Variants in NPSR1 observed in about 807,000 individuals in gnomAD.
NPSR1 encodes the protein neuropeptide S receptor 1.
NPSR1 carries 48 observed loss-of-function variants against 46.9 expected under a neutral mutation model. The observed-to-expected ratio is 1.02, with a 90% CI of 0.81 to 1.30. The LOEUF (loss-of-function observed/expected upper bound fraction) is 1.30. Ranked by LOEUF, NPSR1 falls within the 50% of genes most tolerant of loss-of-function variation. The probability of loss-of-function intolerance (pLI) is 0.00; values close to 1 mark genes in which losing one functional copy is unlikely to be tolerated. For missense variants in NPSR1, 450 were observed against 449.5 expected, an observed-to-expected ratio of 1.00 and a Z score of -0.01; for synonymous variants, 176 against 168.1, an observed-to-expected ratio of 1.05 and a Z score of -0.36.
intron 2 of NPSR1, among the ~76,000 whole-genome samples, chr7:34,716,481 G>A (rs66502122): frequency 0.099 from 14,997 of 152,054 alleles, 972 homozygotes; most frequent in African/African-American, 0.18. Context: ...CTTTCTATTG[G>A]GAGATCTTGC....
chr7:34,782,105 G>A (rs1221175367), intron 3 of NPSR1, among the ~76,000 whole-genome samples: 1 of 152,152 alleles, frequency 6.6e-6, no homozygotes. Flanking sequence ...GAAAGACTGT[G>A]TTCTCAGCTC....
chr7:34,683,584 A>T (rs1043682160), intron 1 of NPSR1, among the ~76,000 whole-genome samples: 1 of 152,204 alleles, frequency 6.6e-6, no homozygotes. Flanking sequence ...TAATTTATAA[A>T]GAAAAGTAAT....
chr7:34,770,347 G>A (rs1786621841), intron 2 of NPSR1, among the ~76,000 whole-genome samples: 1 of 152,104 alleles, frequency 6.6e-6, no homozygotes, highest in Admixed American at 6.6e-5. Context: ...TCTCAGTAAG[G>A]ACTTTTCTTA....
chr7:34,834,223 T>C (rs1001198809), intron 5 of NPSR1, 161 bp from the exon 6 acceptor site: 1 of 620,160 alleles, frequency 1.6e-6, no homozygotes, highest in Non-Finnish European at 2.9e-6. Flanking sequence ...CATGGTCACT[T>C]TCAGTTGCAA....
intron 2 of NPSR1, among the ~76,000 whole-genome samples, chr7:34,693,539 T>C (rs957571887): frequency 7.9e-5 from 12 of 152,160 alleles, no homozygotes; most frequent in African/African-American, 2.7e-4. Flanking sequence ...ACCAGACAGA[T>C]TCACAGCTGA....
rs983848637 is a variant in NPSR1 at position 34,840,446 on chromosome 7, C to G, written c.758-4450C>G. Among the ~76,000 whole-genome samples, 4 of 151,028 alleles carry G rather than the reference C, an allele frequency of 2.6e-5. No homozygotes were observed. In the South Asian group the frequency reaches 8.3e-4, roughly 31 times the overall value. On this transcript the variant is annotated intron_variant, in intron 6 of 8. Coordinates refer to ENST00000360581, the MANE Select transcript of NPSR1 (RefSeq NM_207172.2). ...GAAACTCTTGGGAGTTCAAGAGAGT[C>G]TGCTGCAAGCTCCTGGAATAGCACA...
At chr7:34,660,580 T>C (rs938986772) in intron 1 of NPSR1, among the ~76,000 whole-genome samples, 4 of 152,070 alleles carry the variant, frequency 2.6e-5, no homozygotes, top group African/African-American at 9.6e-5. Flanking sequence ...GTAAAAAAAA[T>C]AGCATGAAAA....
chr7:34,766,395 T>C (rs1437633031), intron 2 of NPSR1, among the ~76,000 whole-genome samples: 4 of 152,202 alleles, frequency 2.6e-5, no homozygotes, highest in Non-Finnish European at 5.9e-5. Context: ...CACAAAAACC[T>C]GTACATGAAT....
intron 1 of NPSR1, among the ~76,000 whole-genome samples, chr7:34,683,718 C>T (rs1266442590): frequency 6.6e-6 from 1 of 152,036 alleles, no homozygotes; most frequent in Non-Finnish European, 1.5e-5. Context: ...TGAACTCATT[C>T]CTTTATCAGT....
chr7:34,688,229 C>T (rs149875904), intron 2 of NPSR1, among the ~76,000 whole-genome samples: 2 of 152,280 alleles, frequency 1.3e-5, no homozygotes, highest in African/African-American at 4.8e-5. Context: ...AGGAAGAAGG[C>T]ATTATCCCAT....
chr7:34,833,402 T>C (rs183097272), intron 5 of NPSR1, among the ~76,000 whole-genome samples: 3 of 152,282 alleles, frequency 2.0e-5, no homozygotes, highest in African/African-American at 7.2e-5. Flanking sequence ...CATGTAAGAA[T>C]TGGTGTGATA....
At chr7:34,792,819 G>C (rs1037252397) in intron 3 of NPSR1, among the ~76,000 whole-genome samples, 11 of 146,726 alleles carry the variant, frequency 7.5e-5, no homozygotes, top group African/African-American at 2.8e-4. Flanking sequence ...GGGGTGTCAA[G>C]GCTGCAGTGA....
At chr7:34,770,828 G>C (rs1278790884) in intron 2 of NPSR1, among the ~76,000 whole-genome samples, 1 of 152,154 alleles carries the variant, frequency 6.6e-6, no homozygotes, top group Non-Finnish European at 1.5e-5. Flanking sequence ...CTAAGGTCCA[G>C]GTGCCAGAAA....
chr7:34,729,838 T>C (rs1784340103), intron 2 of NPSR1, among the ~76,000 whole-genome samples: 1 of 152,194 alleles, frequency 6.6e-6, no homozygotes, highest in Non-Finnish European at 1.5e-5. Flanking sequence ...AATGGCACGA[T>C]CTCAACTCAC....
chr7:34,784,330 T>C (rs930771428), intron 3 of NPSR1, among the ~76,000 whole-genome samples: 3 of 152,132 alleles, frequency 2.0e-5, no homozygotes, highest in Admixed American at 2.0e-4. Context: ...TTGTCATAGA[T>C]AGCTCTTATT....
At chr7:34,825,190 C>T (rs115129676) in intron 4 of NPSR1, among the ~76,000 whole-genome samples, 141 of 152,280 alleles carry the variant, frequency 9.3e-4, no homozygotes, top group African/African-American at 3.3e-3. Flanking sequence ...GTATTGCATA[C>T]GCATGCCCTC....
chr7:34,843,799 C>T (rs548944150), intron 6 of NPSR1, among the ~76,000 whole-genome samples: 1 of 152,324 alleles, frequency 6.6e-6, no homozygotes, highest in South Asian at 2.1e-4. Context: ...GACAATGGAG[C>T]ACAGCAGTTT....
intron 2 of NPSR1, among the ~76,000 whole-genome samples, chr7:34,755,622 A>G (rs944668693): frequency 6.6e-6 from 1 of 152,182 alleles, no homozygotes; most frequent in Non-Finnish European, 1.5e-5. Context: ...TGCCTTGAAC[A>G]GTCCAGGATA....
At chr7:34,858,660 G>T (rs1360535827) in intron 8 of NPSR1, among the ~76,000 whole-genome samples, 1 of 151,800 alleles carries the variant, frequency 6.6e-6, no homozygotes, top group African/African-American at 2.4e-5. Flanking sequence ...GCAAGGAGGA[G>T]CAAGTCACAT....
Sources: allele counts gnomAD v4.1 joint callset (sites outside exome capture counted in the v4.1 genomes callset), GRCh38; gene constraint gnomAD v4.1.1; transcripts MANE v1.5; gene names NCBI Gene and HGNC (gene_info 2026-07-23, HGNC 2026-07-21).